The following RGS12 variants were observed in gnomAD, a reference collection of about 807,000 sequenced individuals.
RGS12 encodes regulator of G-protein signaling 12.
Under a neutral mutation model 120.1 loss-of-function variants are expected in RGS12, and 66 were observed. That is an observed-to-expected ratio of 0.55 (90% CI 0.45 to 0.67). The LOEUF (loss-of-function observed/expected upper bound fraction) is 0.67, where lower values mean the gene tolerates loss of function less well. RGS12 is among the 30% of genes least tolerant of loss of function. The probability of loss-of-function intolerance (pLI) is 0.00; values close to 1 mark genes in which losing one functional copy is unlikely to be tolerated. For synonymous variants in RGS12, 827 were observed against 804.7 expected, an observed-to-expected ratio of 1.03 and a Z score of -0.47; for missense variants, 1,859 against 1,957.7, an observed-to-expected ratio of 0.95 and a Z score of 0.95.
intron 3 of RGS12, among the ~76,000 whole-genome samples, chr4:3,370,502 A>G (rs974043789): frequency 1.3e-5 from 2 of 152,244 alleles, no homozygotes; most frequent in African/African-American, 4.8e-5. Flanking sequence ...GGCTCAGCCC[A>G]GGCTCTGGGA....
chr4:3,297,155 C>T (rs143772573), intron 1 of RGS12, among the ~76,000 whole-genome samples: 1 of 152,244 alleles, frequency 6.6e-6, no homozygotes, highest in Non-Finnish European at 1.5e-5. Context: ...CTTTTCCATG[C>T]ACTTGCTGTC....
In RGS12 at chr4:3,349,869, T is replaced by C. The variant is rs1327286946; in HGVS notation, c.1998+6816T>C. ...CAATGTATGTTTTAGTACTTTATCT[T>C]ATATGGAAATGACTTAGACATTTTA... On this transcript the variant is annotated intron_variant, in intron 3 of 17. Transcript: ENST00000336727. 3.3e-5 allele frequency among the ~76,000 whole-genome samples: 5 copies of C among 152,204 alleles called. No individual in the cohort carries two copies. The East Asian group carries it at 9.6e-4, about 29-fold the overall frequency.
intron 1 of RGS12, among the ~76,000 whole-genome samples, chr4:3,300,358 A>C (rs1374134358): frequency 6.6e-6 from 1 of 152,148 alleles, no homozygotes; most frequent in East Asian, 1.9e-4. Flanking sequence ...AGGGGCCTGG[A>C]GTCCAGCCTG....
rs1469076813 is a variant in RGS12, at chr4:3,389,162, T to A, written c.2020+2725T>A. ...GCTCGGTTTTAAGGAAGTTGGACTA[T>A]GCTATTTTGGCAATCTTTGTCAAGT... On this transcript the variant is annotated intron_variant, in intron 4 of 17. Transcript: ENST00000336727. The surrounding 1 kb of genome is among the most constrained non-coding windows in gnomAD (Gnocchi z 5.2). Among the ~76,000 whole-genome samples, 1 of 152,176 alleles carries A rather than the reference T, an allele frequency of 6.6e-6. No individual in the cohort carries two copies. The highest frequency in any genetic ancestry group is 2.4e-5 in the African/African-American group (1 of 41,438).
chr4:3,370,682 T>TAA, intron 3 of RGS12, among the ~76,000 whole-genome samples: 1 of 152,388 alleles, frequency 6.6e-6, no homozygotes, highest in East Asian at 1.9e-4. Flanking sequence ...GTTGAAATAT[T>TAA]AATTTTAGGC....
In RGS12 at chr4:3,317,021, G is replaced by C; in HGVS notation, c.851G>C (p.Ser284Thr). The C allele has an allele frequency of 1.2e-6, 2 of 1,613,764 alleles. No individual in the cohort carries two copies. The highest frequency in any genetic ancestry group is 1.7e-6 in the Non-Finnish European group (2 of 1,180,032). The change falls in exon 2 of 18, where the codon AGC (serine) becomes ACC (threonine). Residue 284 changes from serine to threonine, a missense_variant. Physicochemically the swap from Ser to Thr is moderately conservative, Grantham distance 58 (BLOSUM62 1). Transcript: ENST00000336727. ...MKIMHDCVQL[S>T]TDKAGVVAEY... ...ATCATGCACGACTGTGTGCAGCTGA[G>C]CACTGACAAGGCTGGAGTCGTGGCC...
chr4:3,337,175 G>A (rs902686743), intron 2 of RGS12, among the ~76,000 whole-genome samples: 22 of 152,150 alleles, frequency 1.4e-4, no homozygotes, highest in Admixed American at 2.6e-4. Context: ...CCTTGGGATG[G>A]CTACTATAAA....
chr4:3,414,926 C>A, intron 6 of RGS12, 82 bp downstream of exon 6: 1 of 938,982 alleles, frequency 1.1e-6, no homozygotes, highest in Non-Finnish European at 1.7e-6. Flanking sequence ...GAGAGGGCCA[C>A]GTGTGTGAGG....
intron 3 of RGS12, among the ~76,000 whole-genome samples, chr4:3,380,965 T>C (rs189056940): frequency 6.6e-6 from 1 of 152,366 alleles, no homozygotes; most frequent in East Asian, 1.9e-4. Context: ...TTTTTTCTTC[T>C]TTTCTGTCAC....
At chr4:3,382,212 C>T (rs1273946621) in intron 3 of RGS12, among the ~76,000 whole-genome samples, 1 of 152,046 alleles carries the variant, frequency 6.6e-6, no homozygotes, top group Non-Finnish European at 1.5e-5. Flanking sequence ...TTATTTTTTC[C>T]ACTTGCATTG....
chr4:3,286,507 T>G, the RGS12 span, among the ~76,000 whole-genome samples: 1 of 152,236 alleles, frequency 6.6e-6, no homozygotes, highest in East Asian at 1.9e-4. Flanking sequence ...CCTGAGATAT[T>G]AATCCAAGCT....
chr4:3,398,927 C>T (rs1720317020), intron 4 of RGS12, among the ~76,000 whole-genome samples: 1 of 152,082 alleles, frequency 6.6e-6, no homozygotes, highest in South Asian at 2.1e-4. Flanking sequence ...AAAATTATAG[C>T]ATACAGAGAA....
At chr4:3,296,351 T>A (rs913465769) in intron 1 of RGS12, among the ~76,000 whole-genome samples, 2 of 151,924 alleles carry the variant, frequency 1.3e-5, no homozygotes, top group African/African-American at 2.4e-5. Context: ...CCAGCTAATT[T>A]TTTCTGTTTT....
At chr4:3,411,877 C>A (rs1223894185) in intron 4 of RGS12, among the ~76,000 whole-genome samples, 1 of 152,286 alleles carries the variant, frequency 6.6e-6, no homozygotes, top group Non-Finnish European at 1.5e-5. Flanking sequence ...TGCGTGTGAG[C>A]GCTGGTGCGC....
upstream of RGS12, among the ~76,000 whole-genome samples, chr4:3,290,016 C>A (rs942480006): frequency 3.3e-5 from 5 of 152,168 alleles, no homozygotes; most frequent in East Asian, 3.8e-4. Context: ...CCAGAGTATT[C>A]AGTAATTCAC....
chr4:3,432,914 A>G (rs1053132561), intron 17 of RGS12, among the ~76,000 whole-genome samples: 5 of 152,204 alleles, frequency 3.3e-5, no homozygotes, highest in African/African-American at 1.2e-4. Context: ...ACACAGGACA[A>G]CTGCTGAGGA....
intron 3 of RGS12, 80 bp from the exon 4 acceptor site, chr4:3,386,336 G>A: frequency 7.4e-7 from 1 of 1,359,706 alleles, no homozygotes; most frequent in Non-Finnish European, 1.1e-6. Flanking sequence ...TGCCCCTTGT[G>A]TTCCTCAGAT....
chr4:3,358,384 C>T (rs936678971), intron 3 of RGS12, among the ~76,000 whole-genome samples: 3 of 152,102 alleles, frequency 2.0e-5, no homozygotes, highest in East Asian at 1.9e-4. Context: ...AAAGAATTGT[C>T]GAAGTGGGCA....
Position 3,414,239 on chromosome 4 carries a change from T to G in RGS12, c.2188T>G (p.Ser730Ala). Residue 730 changes from serine (S) to alanine (A), a missense_variant and splice_region_variant, in exon 5 of 18, where the codon TCT (serine) becomes GCT (alanine). This residue lies in a region of RGS12 where 375 missense variants were observed against 475.0 expected (regional missense o/e 0.79). Coordinates refer to ENST00000336727, the MANE Select transcript of RGS12 (RefSeq NM_001394154.1). ...GGACCCCGTCGGTGTCCGCTACTTCTCTGTGAGTAGGGAAGGGCCCAGGAG... is the reference window on the plus strand; with the variant it reads ...GGACCCCGTCGGTGTCCGCTACTTCGCTGTGAGTAGGGAAGGGCCCAGGAG... ...LQDPVGVRYF[S>A]DFLRKEFSEE... The G allele has an allele frequency of 2.6e-6, 4 of 1,537,528 alleles. No individual in the cohort carries two copies. The highest frequency in any genetic ancestry group is 3.5e-6 in the Non-Finnish European group (4 of 1,144,204).
Sources: allele counts gnomAD v4.1 joint callset (sites outside exome capture counted in the v4.1 genomes callset), GRCh38; gene constraint gnomAD v4.1.1; regional missense constraint gnomAD v4.1.1; non-coding constraint Gnocchi (gnomAD v3.1); transcripts MANE v1.5; gene names NCBI Gene and HGNC (gene_info 2026-07-23, HGNC 2026-07-21).